The following GRIK1 variants were observed in gnomAD, a reference collection of about 807,000 sequenced individuals.
GRIK1 encodes glutamate receptor ionotropic, kainate 1.
A neutral mutation model predicts 105.7 loss-of-function variants in GRIK1; 69 were observed. The observed-to-expected ratio is 0.65, with a 90% CI of 0.54 to 0.80. GRIK1 has a LOEUF of 0.80. GRIK1 is among the 30% of genes least tolerant of loss of function. GRIK1 has a pLI of 0.00. For missense variants in GRIK1, 1,109 were observed against 1,167.3 expected (o/e 0.95, Z 0.73); for synonymous variants, 438 against 431.3 (o/e 1.02, Z -0.19).
chr21:29,606,260 C>T (rs1033824247), intron 7 of GRIK1, among the ~76,000 whole-genome samples: 3 of 152,186 alleles, frequency 2.0e-5, no homozygotes, highest in African/African-American at 7.2e-5. Flanking sequence ...ATTGACCTAT[C>T]GGACATTGGC....
At position 29,801,891 on chromosome 21, in the gene GRIK1, A is replaced by C. The variant is rs540815367; in HGVS notation, c.119-107828T>G. Among the ~76,000 whole-genome samples the C allele has an allele frequency of 2.0e-5, 3 of 151,974 alleles. No homozygotes were observed. In the East Asian group the frequency reaches 5.8e-4, roughly 29 times the overall value. On this transcript the variant is annotated intron_variant, in intron 1 of 17. Transcript: ENST00000327783. ...TTTTTCTTTTCTTTTTTTCTTTTGT[A>C]GAGATAAGCATCCATTATGTCTCAC...
intron 12 of GRIK1, among the ~76,000 whole-genome samples, chr21:29,585,631 G>A (rs2091114862): frequency 6.6e-6 from 1 of 152,100 alleles, no homozygotes; most frequent in Non-Finnish European, 1.5e-5. Flanking sequence ...TGCATGAATT[G>A]CTCCATCAGT....
intron 16 of GRIK1, among the ~76,000 whole-genome samples, chr21:29,549,980 C>G (rs1017957328): frequency 6.6e-6 from 1 of 151,572 alleles, no homozygotes; most frequent in African/African-American, 2.4e-5. Flanking sequence ...TGATGGTGCA[C>G]GCCTGCAATC....
At position 29,654,964 on chromosome 21, in the gene GRIK1, A is replaced by G. The variant is rs529463838; in HGVS notation, c.727-101T>C. On this transcript the variant is annotated intron_variant, in intron 4 of 17. Coordinates refer to ENST00000327783, the MANE Select transcript of GRIK1 (RefSeq NM_001330994.2). ...AAATGCTTGGAAACATAGAACAGGA[A>G]GGGACTTTGGAAATCCACAAACTCA... 7.3e-5 allele frequency: 59 copies of G among 808,204 alleles called. No individual in the cohort carries two copies. In the South Asian group the frequency reaches 8.0e-4, roughly 11 times the overall value. 50.1% of individuals were successfully genotyped at this position (808,204 alleles called of 1,614,324 possible). A position where few individuals can be genotyped will look rare whatever the true frequency, so the allele number is the denominator to read the frequency against.
rs367992262 is a variant in GRIK1 at position 29,747,876 on chromosome 21, C to G, written c.119-53813G>C. On this transcript the variant is annotated intron_variant, in intron 1 of 17. Transcript: ENST00000327783. ...GAGTAGTGATTACAGACATAAATTT[C>G]AGTAGCCCACTGAAGAAATATTCTG... 3.3e-5 allele frequency among the ~76,000 whole-genome samples: 5 copies of G among 152,310 alleles called. No individual in the cohort carries two copies. In the East Asian group the frequency reaches 7.7e-4, roughly 24 times the overall value.
At chr21:29,798,279 C>A (rs2066610811) in intron 1 of GRIK1, among the ~76,000 whole-genome samples, 2 of 152,132 alleles carry the variant, frequency 1.3e-5, no homozygotes, top group Non-Finnish European at 2.9e-5. Flanking sequence ...TAATGACTTA[C>A]CAGATTCTCA....
chr21:29,682,963 G>A (rs924973326), intron 3 of GRIK1, among the ~76,000 whole-genome samples: 1 of 151,986 alleles, frequency 6.6e-6, no homozygotes, highest in Non-Finnish European at 1.5e-5. Flanking sequence ...CCATTAAAAA[G>A]TGGGCAAAAG....
intron 1 of GRIK1, among the ~76,000 whole-genome samples, chr21:29,751,468 C>G (rs189016175): frequency 1.1e-4 from 16 of 152,190 alleles, no homozygotes; most frequent in Admixed American, 6.5e-4. Context: ...TCCACTTTTC[C>G]CCTTCAAGGT....
intron 1 of GRIK1, among the ~76,000 whole-genome samples, chr21:29,721,450 T>C (rs2064319099): frequency 6.6e-6 from 1 of 151,954 alleles, no homozygotes; most frequent in South Asian, 2.1e-4. Flanking sequence ...TGCAGGGCTA[T>C]AGCGGGGAGA....
chr21:29,708,708 G>A (rs2063973653), intron 1 of GRIK1, among the ~76,000 whole-genome samples: 1 of 152,118 alleles, frequency 6.6e-6, no homozygotes, highest in Non-Finnish European at 1.5e-5. Flanking sequence ...TTTCAGCCTG[G>A]GACGTTGGAG....
At chr21:29,656,520 G>A (rs1214122632) in intron 4 of GRIK1, among the ~76,000 whole-genome samples, 2 of 151,992 alleles carry the variant, frequency 1.3e-5, no homozygotes, top group Non-Finnish European at 2.9e-5. Context: ...ACCATCACAG[G>A]GACATCCTGA....
At chr21:29,815,712 G>T (rs1158188523) in intron 1 of GRIK1, among the ~76,000 whole-genome samples, 1 of 152,066 alleles carries the variant, frequency 6.6e-6, no homozygotes, top group East Asian at 1.9e-4. Context: ...TTATGATGAT[G>T]ATTATAGCTA....
chr21:29,796,976 A>G (rs74405532), intron 1 of GRIK1, among the ~76,000 whole-genome samples: 1 of 292 alleles, frequency 3.4e-3, no homozygotes, highest in African/African-American at 3.5e-3. Context: ...CAAACAACAG[A>G]AAAAAAAAAA....
intron 1 of GRIK1, among the ~76,000 whole-genome samples, chr21:29,835,107 T>C (rs753043588): frequency 6.6e-6 from 1 of 152,160 alleles, no homozygotes; most frequent in Non-Finnish European, 1.5e-5. Flanking sequence ...GGACCGCACT[T>C]AACTCAATAT....
At chr21:29,638,428 C>A (rs9680502) in intron 7 of GRIK1, among the ~76,000 whole-genome samples, 18,462 of 152,146 alleles carry the variant, frequency 0.12, 1,802 homozygotes, top group African/African-American at 0.27. Context: ...ATGGGTACCC[C>A]ACTCCACACG....
At chr21:29,741,835 G>A (rs1569036722) in intron 1 of GRIK1, among the ~76,000 whole-genome samples, 1 of 152,152 alleles carries the variant, frequency 6.6e-6, no homozygotes, top group South Asian at 2.1e-4. Context: ...GATTGCCGTT[G>A]TTTCATTTGA....
intron 6 of GRIK1, among the ~76,000 whole-genome samples, chr21:29,643,273 T>A (rs1341694347): frequency 6.6e-6 from 1 of 152,224 alleles, no homozygotes; most frequent in African/African-American, 2.4e-5. Flanking sequence ...GTCCTCCATG[T>A]TAAGCATGGT....
chr21:29,821,863 GAC>G (rs1485373682), intron 1 of GRIK1, among the ~76,000 whole-genome samples: 1 of 151,912 alleles, frequency 6.6e-6, no homozygotes, highest in Non-Finnish European at 1.5e-5. Flanking sequence ...ATGTACTCAT[GAC>G]ACACAACTTT....
chr21:29,867,972 A>AAG (rs773298230), intron 1 of GRIK1, among the ~76,000 whole-genome samples: 105 of 114,290 alleles, frequency 9.2e-4, no homozygotes, highest in East Asian at 3.5e-3. Flanking sequence ...GAGAGAGAAA[A>AAG]AGAGAGAAAA....
Sources: allele counts gnomAD v4.1 joint callset (sites outside exome capture counted in the v4.1 genomes callset), GRCh38; gene constraint gnomAD v4.1.1; transcripts MANE v1.5; gene names NCBI Gene and HGNC (gene_info 2026-07-23, HGNC 2026-07-21).